ZNF304: variants seen among roughly 807,000 people sequenced by gnomAD.
ZNF304 encodes the protein KRAB-containing zinc finger protein.
In ZNF304, 7 loss-of-function variants were observed where a neutral mutation model predicts 7.8. The observed-to-expected ratio is 0.90, with a 90% CI of 0.51 to 1.69. The LOEUF (loss-of-function observed/expected upper bound fraction) is 1.69, where lower values mean the gene tolerates loss of function less well. ZNF304 is among the 40% of genes most tolerant of loss of function. The pLI, the probability that ZNF304 is intolerant of heterozygous loss-of-function variation, is 0.00. For synonymous variants in ZNF304, 280 were observed against 272.4 expected, an observed-to-expected ratio of 1.03 and a Z score of -0.27; for missense variants, 669 against 804.8, an observed-to-expected ratio of 0.83 and a Z score of 2.04.
At chr19:57,355,757 T>G (rs1456146304) in intron 2 of ZNF304, among the ~76,000 whole-genome samples, 1 of 152,240 alleles carries the variant, frequency 6.6e-6, no homozygotes, top group East Asian at 1.9e-4. Context: ...GCCAAGGCCC[T>G]GCTGAAACTC....
rs752785274 is a variant in ZNF304 at position 57,357,897 on chromosome 19, T to C, written c.*48T>C. On this transcript the variant is annotated 3_prime_UTR_variant, in exon 3 of 3. Transcript: ENST00000282286. ...AAAGGCCTTATGAATGCAGAAAATA[T>C]GTCATCTTGTTCATCCTCATAGGAC... is the stretch of plus-strand genomic sequence containing the variant. 17 of 1,543,094 alleles carry C rather than the reference T, an allele frequency of 1.1e-5. No individual in the cohort carries two copies. Among genetic ancestry groups the C allele is most frequent in the African/African-American group, 1.4e-5 (1 of 72,286 alleles).
At chr19:57,352,663 CA>C (rs2088289660) in intron 1 of ZNF304, 1 of 152,404 alleles carries the variant, frequency 6.6e-6, no homozygotes, top group Non-Finnish European at 1.5e-5. Flanking sequence ...AGGTTGAGAA[CA>C]GACTGTGAGC....
Position 57,351,530 on chromosome 19 carries a change from C to T in ZNF304, c.-135C>T. ...TCCTTGTCTCCCCCAGAAGCAGCCG[C>T]CTTAGTCTTGTGAGCGTTTTTACAC... On this transcript the variant is annotated 5_prime_UTR_variant, in exon 1 of 3. Coordinates refer to ENST00000282286, the MANE Select transcript of ZNF304 (RefSeq NM_020657.4). The surrounding 1 kb of genome is among the most constrained non-coding windows in gnomAD (Gnocchi z 4.1). 1 of 1,117,402 alleles carries T rather than the reference C, an allele frequency of 8.9e-7. No individual in the cohort carries two copies. The highest frequency in any genetic ancestry group is 1.3e-6 in the Non-Finnish European group (1 of 751,202). The allele number at this position is 1,117,402 out of a possible 1,614,324, so 69.2% of individuals were successfully genotyped here.
At chr19:57,353,624 G>A in intron 1 of ZNF304, 101 bp from the exon 2 acceptor site, 1 of 1,456,630 alleles carries the variant, frequency 6.9e-7, no homozygotes, top group Non-Finnish European at 9.1e-7. Context: ...AGGCTGGGGA[G>A]GCGAGGGACT....
Position 57,351,770 on chromosome 19 carries a change from C to T in ZNF304, c.33+73C>T. The T allele has an allele frequency of 6.6e-7, 1 of 1,505,530 alleles. No individual in the cohort carries two copies. 93.3% of individuals were successfully genotyped at this position (1,505,530 alleles called of 1,614,324 possible). A position where few individuals can be genotyped will look rare whatever the true frequency, so the allele number is the denominator to read the frequency against. On this transcript the variant is annotated intron_variant, in intron 1 of 2. Coordinates refer to ENST00000282286, the MANE Select transcript of ZNF304 (RefSeq NM_020657.4). The surrounding 1 kb of genome is among the most constrained non-coding windows in gnomAD (Gnocchi z 4.1). Reference sequence around the variant, plus strand: ...CTGGGATGTTCGCTCTCATCGCGCACTTCAGGGTGCTCACTCCGTCGCATT... The same window carrying T: ...CTGGGATGTTCGCTCTCATCGCGCATTTCAGGGTGCTCACTCCGTCGCATT...
At chr19:57,355,905 T>C (rs1297441898) in intron 2 of ZNF304, 125 bp from the exon 3 acceptor site, 1 of 1,094,368 alleles carries the variant, frequency 9.1e-7, no homozygotes, top group East Asian at 2.4e-5. Flanking sequence ...TTTACACTGA[T>C]CCTGGCCCTC....
At position 57,353,849 on chromosome 19, in the gene ZNF304, T is replaced by G. The variant is rs755198627; in HGVS notation, c.158T>G (p.Leu53Arg). 4 of 1,589,628 alleles carry G rather than the reference T, an allele frequency of 2.5e-6. No individual in the cohort carries two copies. Among genetic ancestry groups the G allele is most frequent in the Admixed American group, 1.8e-5 (1 of 56,420 alleles). ...MLENFALVATLGFWCEAEHEA... is the reference protein window; with the variant it reads ...MLENFALVATRGFWCEAEHEA... ...GAGAACTTTGCACTTGTGGCTACACTAGGTAAGTCTGTGTTTTAGTTATCT... is the reference window on the plus strand; with the variant it reads ...GAGAACTTTGCACTTGTGGCTACACGAGGTAAGTCTGTGTTTTAGTTATCT... The change falls in exon 2 of 3, where the codon CTA (leucine) becomes CGA (arginine). Residue 53 changes from leucine to arginine, a missense_variant and splice_region_variant. Coordinates refer to ENST00000282286, the MANE Select transcript of ZNF304 (RefSeq NM_020657.4).
At position 57,351,452 on chromosome 19, in the gene ZNF304, G is replaced by T; in HGVS notation, c.-213G>T. 5.0e-6 allele frequency: 3 copies of T among 596,432 alleles called. No homozygotes were observed. The highest frequency in any genetic ancestry group is 8.9e-6 in the Non-Finnish European group (3 of 337,286). The allele number at this position is 596,432 out of a possible 1,614,324, so 36.9% of individuals were successfully genotyped here. On this transcript the variant is annotated 5_prime_UTR_variant, in exon 1 of 3. Transcript: ENST00000282286. The surrounding 1 kb of genome is among the most constrained non-coding windows in gnomAD (Gnocchi z 4.1). ...GTCGTGGGACGGGCGGCCTCTCGCGGAGGTGTCTGCCGGGGCTGGGCTCTT... is the reference window on the plus strand; with the variant it reads ...GTCGTGGGACGGGCGGCCTCTCGCGTAGGTGTCTGCCGGGGCTGGGCTCTT...
At chr19:57,354,151 A>T (rs917145084) in intron 2 of ZNF304, among the ~76,000 whole-genome samples, 2 of 151,982 alleles carry the variant, frequency 1.3e-5, no homozygotes, top group Non-Finnish European at 2.9e-5. Context: ...CTGGGACTAT[A>T]GGTGCATGCC....
chr19:57,351,647 A>G lies in ZNF304; in HGVS notation c.-18A>G. On this transcript the variant is annotated 5_prime_UTR_variant, in exon 1 of 3. Transcript: ENST00000282286. The surrounding 1 kb of genome is among the most constrained non-coding windows in gnomAD (Gnocchi z 4.1). Reference sequence around the variant, plus strand: ...TTTCGGCTGAGCCCACAGGGCACAGACTGTTCATCCGCTTCTCATGGCAGC... The same window carrying G: ...TTTCGGCTGAGCCCACAGGGCACAGGCTGTTCATCCGCTTCTCATGGCAGC... 6.2e-7 allele frequency: 1 copy of G among 1,613,456 alleles called. No individual in the cohort carries two copies. Among genetic ancestry groups the G allele is most frequent in the Non-Finnish European group, 8.5e-7 (1 of 1,179,912 alleles).
chr19:57,354,765 C>T (rs574411955), intron 2 of ZNF304, among the ~76,000 whole-genome samples: 2 of 152,282 alleles, frequency 1.3e-5, no homozygotes, highest in Non-Finnish European at 2.9e-5. Flanking sequence ...GGCCTTTACA[C>T]CCACTCCGGT....
Position 57,356,981 on chromosome 19 carries a change from C to A in ZNF304, c.1112C>A (p.Ala371Asp), listed in dbSNP as rs780596639. 5 of 1,605,782 alleles carry A rather than the reference C, an allele frequency of 3.1e-6. No homozygotes were observed. The highest frequency in any genetic ancestry group is 4.3e-6 in the Non-Finnish European group (5 of 1,173,318). The change falls in exon 3 of 3, where the codon GCC (alanine) becomes GAC (aspartate). Residue 371 changes from alanine to aspartate, a missense_variant. Transcript: ENST00000282286. ...TATAAGTGCAACAAATGTGGGAAAG[C>A]CTTTAGCCGTAAAGACACACTTGTT... ...RPYKCNKCGK[A>D]FSRKDTLVQH... is the part of the protein sequence containing the mutation.
rs761172641 is a variant in ZNF304, at chr19:57,357,721, A to C, written c.1852A>C (p.Ser618Arg). The C allele has an allele frequency of 1.2e-6, 2 of 1,614,262 alleles. No homozygotes were observed. The highest frequency in any genetic ancestry group is 2.2e-5 in the South Asian group (2 of 91,088). ...VHTGEKPYVC[S>R]ECGKAYSRSS... ...CACTGGAGAAAAGCCTTACGTATGC[A>C]GCGAATGTGGGAAAGCCTATAGCAG... The change falls in exon 3 of 3, where the codon AGC becomes CGC. Residue 618 changes from serine (S) to arginine (R), a missense_variant. Ser to Arg is a moderately radical substitution (Grantham distance 110). Transcript: ENST00000282286.
In ZNF304 at chr19:57,357,967, A is replaced by G. The variant is rs1022848044; in HGVS notation, c.*118A>G. On this transcript the variant is annotated 3_prime_UTR_variant, in exon 3 of 3. Transcript: ENST00000282286. The stretch of plus-strand genomic sequence containing the variant: ...TGTGAGTACCCTTTGTGAGGGAACC[A>G]TCAGCTAGCAGATGAGCACCGTATA... 3.9e-5 allele frequency: 51 copies of G among 1,309,442 alleles called. No homozygotes were observed. Among genetic ancestry groups the G allele is most frequent in the Admixed American group, 3.5e-4 (15 of 43,408 alleles). 81.1% of individuals were successfully genotyped at this position (1,309,442 alleles called of 1,614,324 possible).
rs1336386312 is a variant in ZNF304 at position 57,356,610 on chromosome 19, G to C, written c.741G>C (p.Glu247Asp). 3 of 1,614,072 alleles carry C rather than the reference G, an allele frequency of 1.9e-6. No individual in the cohort carries two copies. The African/African-American group carries it at 4.0e-5, about 22-fold the overall frequency. Residue 247 changes from glutamate to aspartate, a missense_variant, in exon 3 of 3, where the codon GAG becomes GAC. Transcript: ENST00000282286. ...TTGACAGCCAGATGACTCATGCTGA[G>C]GTGAGACCCTTCAGATGCCTACCAT... ...TLLDSQMTHA[E>D]VRPFRCLPCG...
Position 57,356,097 on chromosome 19 carries a change from G to A in ZNF304, c.228G>A (p.Gln76=). 6.2e-7 allele frequency: 1 copy of A among 1,614,220 alleles called. No homozygotes were observed. Among genetic ancestry groups the A allele is most frequent in the Non-Finnish European group, 8.5e-7 (1 of 1,180,032 alleles). The change falls in exon 3 of 3, where the codon CAG becomes CAA. Residue 76 remains glutamine (Q), a synonymous_variant. Coordinates refer to ENST00000282286, the MANE Select transcript of ZNF304 (RefSeq NM_020657.4). ...EQSVSVEGVS[Q]VRTAESGLFQ... is the part of the protein sequence containing the mutation. ...GCGTTTCTGTAGAAGGAGTGTCACA[G>A]GTCAGGACTGCTGAGTCAGGTCTTT...
In ZNF304 at chr19:57,358,423, G is replaced by A. The variant is rs971434858; in HGVS notation, c.*574G>A. ...TAAACGTGATAGCTGTGACTTACTT[G>A]TCTTACTGCCAAATCGCCCAAATTT... On this transcript the variant is annotated 3_prime_UTR_variant, in exon 3 of 3. Coordinates refer to ENST00000282286, the MANE Select transcript of ZNF304 (RefSeq NM_020657.4). 2 of 152,808 alleles carry A rather than the reference G, an allele frequency of 1.3e-5. No homozygotes were observed. The highest frequency in any genetic ancestry group is 4.8e-5 in the African/African-American group (2 of 41,424). 9.5% of individuals were successfully genotyped at this position (152,808 alleles called of 1,614,324 possible). A position where few individuals can be genotyped will look rare whatever the true frequency, so the allele number is the denominator to read the frequency against.
rs1445988687 is a variant in ZNF304 at position 57,358,479 on chromosome 19, A to T, written c.*630A>T. 1 of 152,846 alleles carries T rather than the reference A, an allele frequency of 6.5e-6. No individual in the cohort carries two copies. The highest frequency in any genetic ancestry group is 2.4e-5 in the African/African-American group (1 of 41,444). 9.5% of individuals were successfully genotyped at this position (152,846 alleles called of 1,614,324 possible). A position where few individuals can be genotyped will look rare whatever the true frequency, so the allele number is the denominator to read the frequency against. The stretch of plus-strand genomic sequence containing the variant: ...TGCTTGTCCCATGCTGCTCTGATTT[A>T]TACAGTGATAAGGGCCTATTGTGGC... On this transcript the variant is annotated 3_prime_UTR_variant, in exon 3 of 3. Coordinates refer to ENST00000282286, the MANE Select transcript of ZNF304 (RefSeq NM_020657.4).
rs1171393322 is a variant in ZNF304, at chr19:57,359,755, T to A, written c.*1906T>A. The A allele has an allele frequency of 6.6e-6, 1 of 152,256 alleles. No individual in the cohort carries two copies. Among genetic ancestry groups the A allele is most frequent in the Non-Finnish European group, 1.5e-5 (1 of 68,054 alleles). The allele number at this position is 152,256 out of a possible 1,614,324, so 9.4% of individuals were successfully genotyped here. On this transcript the variant is annotated 3_prime_UTR_variant, in exon 3 of 3. Coordinates refer to ENST00000282286, the MANE Select transcript of ZNF304 (RefSeq NM_020657.4). Reference sequence around the variant, plus strand: ...TATCTTGTTGCATGAATCAATTGTTTGCTCATTTGTATTGCTGCGTAGTAT... The same window carrying A: ...TATCTTGTTGCATGAATCAATTGTTAGCTCATTTGTATTGCTGCGTAGTAT...
Sources: gnomAD v4.1 joint callset for allele counts (sites outside exome capture counted in the v4.1 genomes callset) on GRCh38, gnomAD v4.1.1 for gene constraint, Gnocchi (gnomAD v3.1) non-coding constraint, MANE v1.5 for transcripts, NCBI Gene and HGNC (gene_info 2026-07-23, HGNC 2026-07-21) for gene names.